The following COG6 variants were observed in gnomAD, a reference collection of about 807,000 sequenced individuals.
COG6 encodes the protein component of oligomeric golgi complex 6, also known as conserved oligomeric Golgi complex subunit 6.
A neutral mutation model predicts 88.8 loss-of-function variants in COG6; 74 were observed. That is an observed-to-expected ratio of 0.83 (90% CI 0.69 to 1.01). The LOEUF (loss-of-function observed/expected upper bound fraction) is 1.01. Among genes scored for constraint, COG6 ranks in the 50% least tolerant of loss-of-function variants. The pLI is 0.00. For missense variants in COG6, 800 were observed against 797.9 expected (o/e 1.00, Z -0.03); for synonymous variants, 286 against 278.7 (o/e 1.03, Z -0.26).
intron 18 of COG6, among the ~76,000 whole-genome samples, chr13:39,731,773 C>T (rs1229358944): frequency 2.0e-5 from 3 of 151,618 alleles, no homozygotes; most frequent in Non-Finnish European, 4.4e-5. Context: ...TTCTTTTATT[C>T]ACTTGTACTA....
rs1056819767 is a variant in COG6 at position 39,682,228 on chromosome 13, C to A, written c.752C>A (p.Ala251Glu). 1.9e-6 allele frequency: 3 copies of A among 1,612,326 alleles called. No individual in the cohort carries two copies. In the South Asian group the frequency reaches 3.3e-5, roughly 18 times the overall value. ...GACGTATCTCCAGTATTGACACAGG[C>A]AATGGAAGCCCTGCAGGACAGACCT... ...SCDVSPVLTQ[A>E]MEALQDRPVL... The change falls in exon 8 of 19, where the codon GCA (alanine) becomes GAA (glutamate). Residue 251 changes from alanine (A) to glutamate (E), a missense_variant. Transcript: ENST00000455146.
chr13:39,686,829 A>G (rs770878499), intron 8 of COG6, among the ~76,000 whole-genome samples: 7 of 152,030 alleles, frequency 4.6e-5, no homozygotes, highest in Non-Finnish European at 8.8e-5. Flanking sequence ...TCACGGGCTC[A>G]AGTGATCCCC....
intron 18 of COG6, among the ~76,000 whole-genome samples, chr13:39,728,827 G>A (rs1234174469): frequency 6.6e-6 from 1 of 151,872 alleles, no homozygotes; most frequent in East Asian, 1.9e-4. Context: ...TCCACACCTG[G>A]CTAATTTTTG....
At chr13:39,716,386 TA>T (rs1462274417) in intron 13 of COG6, among the ~76,000 whole-genome samples, 1 of 152,106 alleles carries the variant, frequency 6.6e-6, no homozygotes, top group Non-Finnish European at 1.5e-5. Flanking sequence ...ATTTTTGTCT[TA>T]AAAGTGTGTC....
Position 39,659,493 on chromosome 13 carries a change from A to G in COG6, c.283A>G (p.Lys95Glu). The G allele has an allele frequency of 6.2e-7, 1 of 1,613,090 alleles. No homozygotes were observed. Among genetic ancestry groups the G allele is most frequent in the Non-Finnish European group, 8.5e-7 (1 of 1,179,488 alleles). The change falls in exon 2 of 19, where the codon AAG becomes GAG. Residue 95 changes from lysine (K) to glutamate (E), a missense_variant. Lys to Glu is a moderately conservative substitution (Grantham distance 56). Coordinates refer to ENST00000455146, the MANE Select transcript of COG6 (RefSeq NM_020751.3). ...AINEEFVSIF[K>E]EVKEELESIS... ...CAATGAAGAATTTGTAAGCATTTTCAAGGAAGTGAAGGAGGTATGTAAACT... is the reference window on the plus strand; with the variant it reads ...CAATGAAGAATTTGTAAGCATTTTCGAGGAAGTGAAGGAGGTATGTAAACT...
At chr13:39,756,935 T>TTAAA (rs1017090302), downstream of COG6, among the ~76,000 whole-genome samples, 1 of 152,006 alleles carries the variant, frequency 6.6e-6, no homozygotes, top group African/African-American at 2.4e-5. Flanking sequence ...ACCAAAAGAC[T>TTAAA]TAAAGAATAA....
At chr13:39,715,666 G>A (rs1279116821) in intron 13 of COG6, among the ~76,000 whole-genome samples, 1 of 151,920 alleles carries the variant, frequency 6.6e-6, no homozygotes, top group Admixed American at 6.6e-5. Flanking sequence ...GGAATTATGA[G>A]TATGTTGATT....
At chr13:39,704,261 G>T (rs1347553934) in intron 13 of COG6, among the ~76,000 whole-genome samples, 1 of 152,122 alleles carries the variant, frequency 6.6e-6, no homozygotes, top group Non-Finnish European at 1.5e-5. Context: ...TGGGAGTTAT[G>T]ATGCTGACCC....
At chr13:39,689,680 T>G in intron 10 of COG6, 80 bp from the exon 11 acceptor site, 1 of 849,532 alleles carries the variant, frequency 1.2e-6, no homozygotes, top group Admixed American at 2.0e-5. Flanking sequence ...GTATTATATA[T>G]TATTTGTTAG....
At chr13:39,736,134 T>C (rs1276617117) in intron 18 of COG6, among the ~76,000 whole-genome samples, 1 of 152,130 alleles carries the variant, frequency 6.6e-6, no homozygotes, top group Non-Finnish European at 1.5e-5. Context: ...CCAACAACTC[T>C]TGGATTTGCT....
intron 13 of COG6, among the ~76,000 whole-genome samples, chr13:39,712,559 G>A (rs1352479433): frequency 6.6e-6 from 1 of 152,192 alleles, no homozygotes; most frequent in Non-Finnish European, 1.5e-5. Context: ...CATTGTGAAA[G>A]ATAGAGCAGT....
chr13:39,711,585 T>G (rs1878241037), intron 13 of COG6, among the ~76,000 whole-genome samples: 1 of 152,178 alleles, frequency 6.6e-6, no homozygotes. Flanking sequence ...AATTTGATAT[T>G]ATTCCTTCCT....
chr13:39,708,239 T>C (rs190200470), intron 13 of COG6, among the ~76,000 whole-genome samples: 1 of 152,220 alleles, frequency 6.6e-6, no homozygotes, highest in Non-Finnish European at 1.5e-5. Flanking sequence ...ACCTTTTTCT[T>C]ATTGACTTAT....
chr13:39,664,496 T>A (rs1216144683), intron 3 of COG6, among the ~76,000 whole-genome samples: 2 of 152,216 alleles, frequency 1.3e-5, no homozygotes, highest in South Asian at 2.1e-4. Context: ...GATAAGATGC[T>A]TTTTTAATTG....
chr13:39,663,307 A>T (rs1339141134), intron 3 of COG6, among the ~76,000 whole-genome samples: 1 of 152,184 alleles, frequency 6.6e-6, no homozygotes, highest in African/African-American at 2.4e-5. Context: ...TATTTCATTG[A>T]TTAATAAATG....
chr13:39,779,849 G>A (rs1034519854), intron 18 of COG6, among the ~76,000 whole-genome samples: 3 of 152,080 alleles, frequency 2.0e-5, no homozygotes, highest in African/African-American at 7.2e-5. Context: ...ATGAACAAAC[G>A]TTACAAGAAT....
chr13:39,787,424 A>T (rs952005088), intron 18 of COG6, among the ~76,000 whole-genome samples: 1 of 152,012 alleles, frequency 6.6e-6, no homozygotes, highest in Non-Finnish European at 1.5e-5. Flanking sequence ...TCACCCTACA[A>T]CCCTAAGAAA....
chr13:39,686,704 G>T (rs1399564362), intron 8 of COG6, among the ~76,000 whole-genome samples: 1 of 152,074 alleles, frequency 6.6e-6, no homozygotes, highest in African/African-American at 2.4e-5. Flanking sequence ...ATGTAGAAGA[G>T]AAAAATGTCA....
chr13:39,665,457 T>A (rs1000132800), intron 4 of COG6, among the ~76,000 whole-genome samples: 1 of 152,200 alleles, frequency 6.6e-6, no homozygotes, highest in African/African-American at 2.4e-5. Flanking sequence ...AGATTTTTAA[T>A]AGTTTTATTA....
Sources: allele counts gnomAD v4.1 joint callset (sites outside exome capture counted in the v4.1 genomes callset), GRCh38; gene constraint gnomAD v4.1.1; transcripts MANE v1.5; gene names NCBI Gene and HGNC (gene_info 2026-07-23, HGNC 2026-07-21).